The following WNT2B variants were observed in gnomAD, a reference collection of about 807,000 sequenced individuals.
WNT2B encodes protein Wnt-2b.
Under a neutral mutation model 40.5 loss-of-function variants are expected in WNT2B, and 19 were observed. The ratio of observed to expected loss-of-function variants is 0.47; its 90% CI spans 0.33 to 0.69. WNT2B has a LOEUF of 0.69. WNT2B is among the 30% of genes least tolerant of loss of function. The pLI is 0.02. For missense variants in WNT2B, 467 were observed against 556.4 expected, an observed-to-expected ratio of 0.84 and a Z score of 1.62; for synonymous variants, 220 against 211.9, an observed-to-expected ratio of 1.04 and a Z score of -0.33.
intron 3 of WNT2B, 140 bp from the exon 4 acceptor site, chr1:112,516,981 T>C: frequency 8.9e-7 from 1 of 1,122,886 alleles, no homozygotes; most frequent in Non-Finnish European, 1.3e-6. Flanking sequence ...GGATCTGATG[T>C]GGGAGAGAAC....
At position 112,515,998 on chromosome 1, in the gene WNT2B, C is replaced by A; in HGVS notation, c.404-142C>A. ...GGGGAATGCTCTTGGAAATGAAAGG[C>A]ACCTTGAATAAAGGGGGTGTAGGGG... On this transcript the variant is annotated intron_variant, in intron 2 of 4. Coordinates refer to ENST00000369684, the MANE Select transcript of WNT2B (RefSeq NM_024494.3). The surrounding 1 kb of genome is among the most constrained non-coding windows in gnomAD (Gnocchi z 4.4). 1 of 1,047,790 alleles carries A rather than the reference C, an allele frequency of 9.5e-7. No individual in the cohort carries two copies. The highest frequency in any genetic ancestry group is 1.4e-6 in the Non-Finnish European group (1 of 731,640). The allele number at this position is 1,047,790 out of a possible 1,614,324, so 64.9% of individuals were successfully genotyped here.
At chr1:112,473,036 A>T (rs1198352274) in intron 1 of WNT2B, among the ~76,000 whole-genome samples, 2 of 142,330 alleles carry the variant, frequency 1.4e-5, no homozygotes, top group Non-Finnish European at 3.1e-5. Flanking sequence ...GGAGGGAGAA[A>T]GGGAGAGGGA....
At chr1:112,473,481 A>T (rs147811724) in intron 1 of WNT2B, among the ~76,000 whole-genome samples, 1,689 of 152,328 alleles carry the variant, frequency 0.011, 45 homozygotes, top group African/African-American at 0.038. Context: ...GCAACAGATT[A>T]CACATTGTGG....
intron 1 of WNT2B, among the ~76,000 whole-genome samples, chr1:112,481,265 C>T (rs758985798): frequency 4.0e-5 from 6 of 151,866 alleles, no homozygotes; most frequent in East Asian, 1.9e-4. Flanking sequence ...TATGGTTCAA[C>T]GTATGAAAAT....
chr1:112,504,709 G>A (rs1231909110), upstream of WNT2B, among the ~76,000 whole-genome samples: 2 of 152,138 alleles, frequency 1.3e-5, no homozygotes, highest in South Asian at 2.1e-4. Flanking sequence ...AGAAATCTCA[G>A]GAAAGGCGTC....
At chr1:112,494,110 GA>G (rs1284918952) in intron 1 of WNT2B, among the ~76,000 whole-genome samples, 1 of 147,492 alleles carries the variant, frequency 6.8e-6, no homozygotes. Flanking sequence ...AGGAGTTCAA[GA>G]CCAGCCTGAC....
At chr1:112,513,242 C>T (rs1652417047) in intron 1 of WNT2B, among the ~76,000 whole-genome samples, 1 of 152,232 alleles carries the variant, frequency 6.6e-6, no homozygotes, top group Admixed American at 6.5e-5. Flanking sequence ...CCAAACAAAG[C>T]ACCACAGCAG....
intron 1 of WNT2B, among the ~76,000 whole-genome samples, chr1:112,472,861 G>A (rs1650923780): frequency 6.6e-6 from 1 of 151,788 alleles, no homozygotes; most frequent in Non-Finnish European, 1.5e-5. Flanking sequence ...TACTCAGGAG[G>A]CTGAGGTGGG....
Position 112,515,000 on chromosome 1 carries a change from G to A in WNT2B, c.309G>A (p.Trp103Ter). The A allele has an allele frequency of 6.2e-7, 1 of 1,614,200 alleles. No individual in the cohort carries two copies. The highest frequency in any genetic ancestry group is 8.5e-7 in the Non-Finnish European group (1 of 1,180,036). ...MRSVGEGARE[W>*]IRECQHQFRH... ...CAGTGGGCGAGGGTGCCCGAGAATG[G>A]ATCCGAGAGTGTCAGCACCAATTCC... The change falls in exon 2 of 5, where the codon TGG becomes TGA. Residue 103 changes from tryptophan to a stop codon, truncating the protein, a stop_gained. Transcript: ENST00000369684. LOFTEE classifies it high-confidence loss of function.
Position 112,520,507 on chromosome 1 carries a change from T to C in WNT2B, c.1174T>C (p.Ter392ArgextTer46). Residue 392 changes from the stop codon to arginine (R), a stop_lost, in exon 5 of 5, where the codon TGA becomes CGA. Coordinates refer to ENST00000369684, the MANE Select transcript of WNT2B (RefSeq NM_024494.3). ...GAAGGCAGAGTGGCTGGACCAAACC[T>C]GAACACACAGATACCTCACTCATCC... is the stretch of plus-strand genomic sequence containing the variant. The part of the protein sequence containing the change: ...PKKAEWLDQT[*>R] The C allele has an allele frequency of 6.2e-7, 1 of 1,613,636 alleles. No individual in the cohort carries two copies. The highest frequency in any genetic ancestry group is 8.5e-7 in the Non-Finnish European group (1 of 1,179,756).
At chr1:112,470,165 G>C (rs1650835296) in intron 1 of WNT2B, among the ~76,000 whole-genome samples, 1 of 152,136 alleles carries the variant, frequency 6.6e-6, no homozygotes, top group Admixed American at 6.5e-5. Flanking sequence ...GGACAGGTCT[G>C]GTGTTGATGA....
chr1:112,510,875 C>A (rs1008666307), intron 1 of WNT2B, among the ~76,000 whole-genome samples: 3 of 152,122 alleles, frequency 2.0e-5, no homozygotes, highest in Non-Finnish European at 4.4e-5. Context: ...TCAAAGCTAC[C>A]TTTTGCCTTC....
intron 1 of WNT2B, among the ~76,000 whole-genome samples, chr1:112,486,615 A>C (rs1318521931): frequency 2.0e-5 from 3 of 152,156 alleles, no homozygotes; most frequent in Admixed American, 1.3e-4. Flanking sequence ...ATTTAATAAA[A>C]GACTTATATC....
intron 1 of WNT2B, among the ~76,000 whole-genome samples, chr1:112,474,733 C>T (rs930391366): frequency 2.6e-5 from 4 of 152,148 alleles, no homozygotes; most frequent in Non-Finnish European, 5.9e-5. Flanking sequence ...AATCTCATGT[C>T]GAATTGTGAT....
chr1:112,474,695 T>C (rs1651003055), intron 1 of WNT2B, among the ~76,000 whole-genome samples: 1 of 152,164 alleles, frequency 6.6e-6, no homozygotes, highest in Admixed American at 6.5e-5. Flanking sequence ...GAGGATCGTG[T>C]TATGGTTTCA....
intron 1 of WNT2B, among the ~76,000 whole-genome samples, chr1:112,471,198 C>G (rs1019077788): frequency 6.6e-6 from 1 of 152,170 alleles, no homozygotes; most frequent in African/African-American, 2.4e-5. Flanking sequence ...CTTGGGGAAG[C>G]ATGTGACCCT....
chr1:112,498,087 C>A (rs1025947792), intron 1 of WNT2B, among the ~76,000 whole-genome samples: 6 of 151,864 alleles, frequency 4.0e-5, no homozygotes, highest in Non-Finnish European at 7.4e-5. Flanking sequence ...CCCCCCCAAC[C>A]CCCGATAGGC....
At chr1:112,485,605 G>T (rs1228177782) in intron 1 of WNT2B, among the ~76,000 whole-genome samples, 7 of 152,112 alleles carry the variant, frequency 4.6e-5, no homozygotes, top group Admixed American at 1.3e-4. Flanking sequence ...TTTGACAAAG[G>T]TGCAAATGCA....
At chr1:112,492,503 A>G (rs1557912804) in intron 1 of WNT2B, among the ~76,000 whole-genome samples, 1 of 152,238 alleles carries the variant, frequency 6.6e-6, no homozygotes, top group Non-Finnish European at 1.5e-5. Context: ...ACATATTGTG[A>G]GTTTTACCTC....
Sources: gnomAD v4.1 joint callset for allele counts (sites outside exome capture counted in the v4.1 genomes callset) on GRCh38, gnomAD v4.1.1 for gene constraint, Gnocchi (gnomAD v3.1) non-coding constraint, MANE v1.5 for transcripts, NCBI Gene and HGNC (gene_info 2026-07-23, HGNC 2026-07-21) for gene names.